Variants in ESCO1 observed in about 807,000 individuals in gnomAD.
The protein encoded by ESCO1 is N-acetyltransferase ESCO1.
A neutral mutation model predicts 83.5 loss-of-function variants in ESCO1; 33 were observed. The observed-to-expected ratio is 0.40, with a 90% CI of 0.30 to 0.53. The LOEUF is 0.53. Among genes scored for constraint, ESCO1 ranks in the 20% least tolerant of loss-of-function variants. The pLI, the probability that ESCO1 is intolerant of heterozygous loss-of-function variation, is 0.63. For missense variants in ESCO1, 855 were observed against 968.0 expected, an observed-to-expected ratio of 0.88 and a Z score of 1.55; for synonymous variants, 332 against 324.3, an observed-to-expected ratio of 1.02 and a Z score of -0.25.
intron 8 of ESCO1, among the ~76,000 whole-genome samples, 164 bp from the exon 9 acceptor site, chr18:21,540,173 G>A (rs891402502): frequency 6.6e-6 from 1 of 152,026 alleles, no homozygotes; most frequent in Non-Finnish European, 1.5e-5. Context: ...TGATAAATCG[G>A]CTATTTTGTT....
chr18:21,532,694 T>C, intron 10 of ESCO1, 34 bp from the exon 11 acceptor site: 1 of 1,596,660 alleles, frequency 6.3e-7, no homozygotes, highest in Non-Finnish European at 8.5e-7. Flanking sequence ...AAAATTTAAG[T>C]GAGATTATTA....
intron 1 of ESCO1, among the ~76,000 whole-genome samples, chr18:21,591,466 T>C (rs969410903): frequency 2.6e-5 from 4 of 152,220 alleles, no homozygotes; most frequent in Non-Finnish European, 5.9e-5. Context: ...CCTACAGTTT[T>C]CCCAGCACAA....
rs745385928 is a variant in ESCO1, at chr18:21,536,028, C to T, written c.2187+14G>A. On this transcript the variant is annotated intron_variant, in intron 10 of 11. Coordinates refer to ENST00000269214, the MANE Select transcript of ESCO1 (RefSeq NM_052911.3). Reference sequence around the variant, plus strand: ...AAACACCAAATTACTTAAGAACACTCTTTTATCACTTACCCATTGGATATG... The same window carrying T: ...AAACACCAAATTACTTAAGAACACTTTTTTATCACTTACCCATTGGATATG... The T allele has an allele frequency of 6.2e-7, 1 of 1,612,380 alleles. No individual in the cohort carries two copies. The highest frequency in any genetic ancestry group is 2.2e-5 in the East Asian group (1 of 44,842).
At chr18:21,586,191 C>A (rs1455617990) in intron 1 of ESCO1, among the ~76,000 whole-genome samples, 2 of 152,176 alleles carry the variant, frequency 1.3e-5, no homozygotes, top group East Asian at 3.8e-4. Flanking sequence ...CCTCCCCACA[C>A]CCTTCTTAGC....
intron 11 of ESCO1, among the ~76,000 whole-genome samples, chr18:21,531,893 C>CA (rs10646843): frequency 0.17 from 13,966 of 81,992 alleles, 1,478 homozygotes; most frequent in Middle Eastern, 0.33. Flanking sequence ...GACTCCATCT[C>CA]AAAAAAAAAA....
intron 5 of ESCO1, among the ~76,000 whole-genome samples, chr18:21,566,782 C>G (rs2038267395): frequency 6.6e-6 from 1 of 151,660 alleles, no homozygotes; most frequent in Admixed American, 6.6e-5. Flanking sequence ...ACTGCTCGAA[C>G]CTGGGAGGCA....
chr18:21,594,490 G>A (rs1851153897), intron 1 of ESCO1, among the ~76,000 whole-genome samples: 2 of 152,144 alleles, frequency 1.3e-5, no homozygotes, highest in African/African-American at 4.8e-5. Flanking sequence ...GATCACTTGA[G>A]GTCAGGAGTT....
intron 1 of ESCO1, among the ~76,000 whole-genome samples, chr18:21,587,286 T>G (rs901838717): frequency 2.6e-5 from 4 of 152,212 alleles, no homozygotes; most frequent in Non-Finnish European, 5.9e-5. Flanking sequence ...TAAAATGAAC[T>G]AAGAGATCCC....
At chr18:21,584,927 G>A (rs1488175389) in intron 1 of ESCO1, among the ~76,000 whole-genome samples, 3 of 152,036 alleles carry the variant, frequency 2.0e-5, no homozygotes, top group Non-Finnish European at 2.9e-5. Context: ...GGTGGATAAC[G>A]AGGTCAGTTC....
At chr18:21,556,529 C>G (rs2038114378) in intron 8 of ESCO1, among the ~76,000 whole-genome samples, 1 of 152,156 alleles carries the variant, frequency 6.6e-6, no homozygotes, top group Non-Finnish European at 1.5e-5. Context: ...AGAGAACGTT[C>G]TGTGTGATGA....
chr18:21,560,729 G>T (rs1313395953), intron 8 of ESCO1, 130 bp downstream of exon 8: 4 of 1,085,282 alleles, frequency 3.7e-6, no homozygotes, highest in Non-Finnish European at 3.8e-6. Flanking sequence ...CATACTACAC[G>T]TGCTTTGTAC....
intron 7 of ESCO1, among the ~76,000 whole-genome samples, chr18:21,563,436 CT>C (rs1407744853): frequency 6.6e-6 from 1 of 152,214 alleles, no homozygotes; most frequent in Non-Finnish European, 1.5e-5. Context: ...CAACCTCTGC[CT>C]GCCAGGTTCA....
At chr18:21,577,018 G>A (rs1259461092) in intron 2 of ESCO1, among the ~76,000 whole-genome samples, 2 of 149,592 alleles carry the variant, frequency 1.3e-5, no homozygotes, top group Non-Finnish European at 3.0e-5. Flanking sequence ...AGGCGACAGA[G>A]CGAGACTCTT....
chr18:21,578,983 C>T (rs1411616958), intron 2 of ESCO1, among the ~76,000 whole-genome samples: 5 of 152,154 alleles, frequency 3.3e-5, no homozygotes, highest in African/African-American at 9.7e-5. Context: ...CCCTCAACCT[C>T]CTGAGTAGCT....
chr18:21,585,596 G>A (rs1252268782), intron 1 of ESCO1, among the ~76,000 whole-genome samples: 3 of 152,012 alleles, frequency 2.0e-5, no homozygotes, highest in African/African-American at 7.2e-5. Context: ...GTTTTTAAAA[G>A]ATGAAGTGTG....
chr18:21,533,436 C>T (rs2037793189), intron 10 of ESCO1, among the ~76,000 whole-genome samples: 1 of 152,118 alleles, frequency 6.6e-6, no homozygotes, highest in Non-Finnish European at 1.5e-5. Flanking sequence ...GCTGAGATTA[C>T]AGGCACGCAC....
intron 1 of ESCO1, 48 bp from the exon 2 acceptor site, chr18:21,584,488 A>G (rs561831114): frequency 6.6e-6 from 1 of 152,104 alleles, no homozygotes; most frequent in East Asian, 1.9e-4. Flanking sequence ...CTGATACATT[A>G]AAACAACTTA....
intron 10 of ESCO1, among the ~76,000 whole-genome samples, chr18:21,533,126 C>T (rs918197281): frequency 6.6e-6 from 1 of 151,470 alleles, no homozygotes; most frequent in African/African-American, 2.4e-5. Flanking sequence ...CTAGGGATAG[C>T]AGAGAAATCA....
At chr18:21,577,706 C>T (rs1045708160) in intron 2 of ESCO1, among the ~76,000 whole-genome samples, 3 of 151,634 alleles carry the variant, frequency 2.0e-5, no homozygotes, top group Admixed American at 2.0e-4. Context: ...TTGCCATTCC[C>T]ATTACTAGCA....
Sources: gnomAD v4.1 joint callset for allele counts (sites outside exome capture counted in the v4.1 genomes callset) on GRCh38, gnomAD v4.1.1 for gene constraint, MANE v1.5 for transcripts, NCBI Gene and HGNC (gene_info 2026-07-23, HGNC 2026-07-21) for gene names.